RHPN2: variants seen among roughly 807,000 people sequenced by gnomAD.
RHPN2 encodes rhophilin-2.
RHPN2 carries 40 observed loss-of-function variants against 79.0 expected under a neutral mutation model. That is an observed-to-expected ratio of 0.51 (90% CI 0.39 to 0.66). RHPN2 has a LOEUF of 0.66. RHPN2 is among the 30% of genes least tolerant of loss of function. The pLI, the probability that RHPN2 is intolerant of heterozygous loss-of-function variation, is 0.00. For missense variants in RHPN2, 686 were observed against 883.5 expected (o/e 0.78, Z 2.83); for synonymous variants, 285 against 363.5 (o/e 0.78, Z 2.46).
chr19:33,019,036 A>T (rs1435218134), intron 4 of RHPN2, among the ~76,000 whole-genome samples: 1 of 132,630 alleles, frequency 7.5e-6, no homozygotes, highest in Non-Finnish European at 1.5e-5. Context: ...CAGCTCAAAA[A>T]AAAAAAAAAA....
intron 4 of RHPN2, among the ~76,000 whole-genome samples, chr19:33,018,980 G>A (rs796646994): frequency 3.1e-4 from 46 of 147,886 alleles, no homozygotes; most frequent in African/African-American, 1.1e-3. Flanking sequence ...GCAGTGAGCC[G>A]AGATGCCGTC....
intron 7 of RHPN2, among the ~76,000 whole-genome samples, chr19:33,006,687 G>C (rs1003610403): frequency 2.6e-5 from 4 of 152,226 alleles, no homozygotes; most frequent in Admixed American, 2.6e-4. Flanking sequence ...GGGGGAGCAA[G>C]GCAGAACCCG....
At chr19:33,050,749 G>A (rs1402621973) in intron 1 of RHPN2, among the ~76,000 whole-genome samples, 1 of 152,066 alleles carries the variant, frequency 6.6e-6, no homozygotes, top group African/African-American at 2.4e-5. Context: ...CGTGAACTCG[G>A]CTCACTGCAA....
chr19:33,019,781 GA>G (rs113220342), intron 4 of RHPN2, among the ~76,000 whole-genome samples: 74 of 139,406 alleles, frequency 5.3e-4, no homozygotes, highest in African/African-American at 9.5e-4. Context: ...TAAAGAAAAA[GA>G]AAAAAAAAAA....
At chr19:33,014,072 T>G (rs1971859393) in intron 4 of RHPN2, among the ~76,000 whole-genome samples, 1 of 151,702 alleles carries the variant, frequency 6.6e-6, no homozygotes, top group African/African-American at 2.4e-5. Context: ...GATGGGGTTT[T>G]GCCCTGTCGC....
At chr19:33,008,957 G>A (rs933148295) in intron 6 of RHPN2, among the ~76,000 whole-genome samples, 19 of 152,142 alleles carry the variant, frequency 1.2e-4, no homozygotes, top group Non-Finnish European at 2.8e-4. Context: ...AAATGAACCA[G>A]CAAGCCATGA....
intron 7 of RHPN2, among the ~76,000 whole-genome samples, chr19:33,004,204 C>G (rs1315987229): frequency 6.6e-6 from 1 of 152,068 alleles, no homozygotes; most frequent in Non-Finnish European, 1.5e-5. Context: ...CTACACCAAG[C>G]TAATTTTAAA....
At chr19:32,989,033 G>A (rs1177131241) in intron 14 of RHPN2, among the ~76,000 whole-genome samples, 2 of 152,166 alleles carry the variant, frequency 1.3e-5, no homozygotes, top group East Asian at 1.9e-4. Context: ...AGGGAAGGTC[G>A]AGGGTACATC....
At chr19:33,009,184 T>A (rs1971817350) in intron 6 of RHPN2, among the ~76,000 whole-genome samples, 1 of 152,086 alleles carries the variant, frequency 6.6e-6, no homozygotes, top group Non-Finnish European at 1.5e-5. Context: ...GGTGGATCAC[T>A]GTCATTCTAT....
chr19:32,986,972 G>A (rs1407820486), intron 14 of RHPN2, among the ~76,000 whole-genome samples: 10 of 151,514 alleles, frequency 6.6e-5, no homozygotes, highest in African/African-American at 2.4e-4. Flanking sequence ...ACCTCCTTGG[G>A]CTCAAGTGAT....
At chr19:33,028,505 C>T (rs1160681095) in intron 2 of RHPN2, among the ~76,000 whole-genome samples, 1 of 152,120 alleles carries the variant, frequency 6.6e-6, no homozygotes, top group Non-Finnish European at 1.5e-5. Flanking sequence ...ATTGAGAAAA[C>T]CATTCCATTC....
rs541386384 is a variant in RHPN2 at position 33,061,872 on chromosome 19, T to C, written c.69+2912A>G. On this transcript the variant is annotated intron_variant, in intron 1 of 14. Coordinates refer to ENST00000254260, the MANE Select transcript of RHPN2 (RefSeq NM_033103.5). Reference sequence around the variant, plus strand: ...TTATAGAGCCAAGGTCTTGCTATGTTGCCCAGGCTGGTCTGGAACTCCTGG... The same window carrying C: ...TTATAGAGCCAAGGTCTTGCTATGTCGCCCAGGCTGGTCTGGAACTCCTGG... 2.6e-5 allele frequency among the ~76,000 whole-genome samples: 4 copies of C among 152,068 alleles called. No individual in the cohort carries two copies. The South Asian group carries it at 8.3e-4, about 32-fold the overall frequency.
chr19:32,999,674 C>A lies in RHPN2; in HGVS notation c.1137G>T (p.Glu379Asp), dbSNP rs766425590. 12 of 1,612,948 alleles carry A rather than the reference C, an allele frequency of 7.4e-6. No homozygotes were observed. In the East Asian group the frequency reaches 1.8e-4, roughly 24 times the overall value. ...VKPGTDLDHQEKCLSQLYDHM... is the reference protein window; with the variant it reads ...VKPGTDLDHQDKCLSQLYDHM... ...GGTCGTAGAGCTGGGACAGGCACTT[C>A]TCCTGGTGGTCCAGATCCGTGCCTG... The change falls in exon 10 of 15, where the codon GAG (glutamate) becomes GAT (aspartate). Residue 379 changes from glutamate to aspartate, a missense_variant. Physicochemically the swap from Glu to Asp is conservative, Grantham distance 45. Transcript: ENST00000254260.
intron 1 of RHPN2, among the ~76,000 whole-genome samples, chr19:33,051,996 A>AAG (rs1319740911): frequency 6.6e-6 from 1 of 151,776 alleles, no homozygotes; most frequent in African/African-American, 2.4e-5. Context: ...GTCTCAAAAA[A>AAG]AAAAAAAAAA....
At chr19:33,040,758 C>T (rs1972094452) in intron 2 of RHPN2, among the ~76,000 whole-genome samples, 1 of 151,860 alleles carries the variant, frequency 6.6e-6, no homozygotes, top group East Asian at 2.0e-4. Context: ...AGTTCCAGAC[C>T]AGCCTGGCCA....
intron 4 of RHPN2, among the ~76,000 whole-genome samples, chr19:33,013,989 C>T (rs1464144437): frequency 1.3e-5 from 2 of 151,878 alleles, no homozygotes; most frequent in Non-Finnish European, 2.9e-5. Context: ...AATCCTCCTA[C>T]TTCAGCCTCC....
intron 2 of RHPN2, among the ~76,000 whole-genome samples, 174 bp downstream of exon 2, chr19:33,044,075 C>G (rs1198865273): frequency 7.3e-6 from 1 of 137,036 alleles, no homozygotes; most frequent in Non-Finnish European, 1.6e-5. Context: ...AACACACAAA[C>G]AGGCGGGGTA....
chr19:33,023,733 C>T (rs985006910), intron 3 of RHPN2, among the ~76,000 whole-genome samples: 15 of 146,426 alleles, frequency 1.0e-4, no homozygotes, highest in African/African-American at 3.9e-4. Flanking sequence ...TGCAGTGAGC[C>T]GAGATCGTGC....
intron 2 of RHPN2, among the ~76,000 whole-genome samples, chr19:33,032,692 G>C (rs188027694): frequency 4.5e-4 from 69 of 152,266 alleles, no homozygotes; most frequent in Non-Finnish European, 8.5e-4. Flanking sequence ...AGCTTATTGA[G>C]AAAACGACTG....
Sources: allele counts gnomAD v4.1 joint callset (sites outside exome capture counted in the v4.1 genomes callset), GRCh38; gene constraint gnomAD v4.1.1; transcripts MANE v1.5; gene names NCBI Gene and HGNC (gene_info 2026-07-23, HGNC 2026-07-21).